The following ATG4A variants were observed in gnomAD, a reference collection of about 807,000 sequenced individuals.
The protein encoded by ATG4A is cysteine protease ATG4A.
In ATG4A, 22 loss-of-function variants were observed where a neutral mutation model predicts 38.4. The observed-to-expected ratio is 0.57, with a 90% CI of 0.41 to 0.82. The LOEUF (loss-of-function observed/expected upper bound fraction) is 0.82, where lower values mean the gene tolerates loss of function less well. Among genes scored for constraint, ATG4A ranks in the 40% least tolerant of loss-of-function variants. The pLI, the probability that ATG4A is intolerant of heterozygous loss-of-function variation, is 0.00. For synonymous variants in ATG4A, 86 were observed against 100.7 expected, an observed-to-expected ratio of 0.85 and a Z score of 0.88; for missense variants, 220 against 290.0, an observed-to-expected ratio of 0.76 and a Z score of 1.75.
chrX:108,099,552 C>T (rs1325880840), intron 1 of ATG4A, among the ~76,000 whole-genome samples: 2 of 111,323 alleles, frequency 1.8e-5, no homozygotes, highest in Non-Finnish European at 3.8e-5. Flanking sequence ...TTTGTTGTTA[C>T]ATCTAAGAAG....
chrX:108,148,521 C>A (rs1229856279), intron 9 of ATG4A, among the ~76,000 whole-genome samples: 3 of 98,637 alleles, frequency 3.0e-5, no homozygotes, highest in Non-Finnish European at 6.2e-5. Flanking sequence ...TGCACATACA[C>A]ACACACACAC....
At chrX:108,124,506 T>C (rs771254135) in intron 1 of ATG4A, among the ~76,000 whole-genome samples, 7 of 109,282 alleles carry the variant, frequency 6.4e-5, no homozygotes, top group Non-Finnish European at 1.1e-4. Flanking sequence ...GGCTGGAGTG[T>C]AGTGGCGCGA....
At chrX:108,146,395 G>A (rs1376557069) in intron 9 of ATG4A, among the ~76,000 whole-genome samples, 1 of 111,702 alleles carries the variant, frequency 9.0e-6, no homozygotes, top group Non-Finnish European at 1.9e-5. Context: ...TATTCTGATT[G>A]CAGTAGTCTG....
intron 1 of ATG4A, among the ~76,000 whole-genome samples, chrX:108,111,815 AT>A (rs762215599): frequency 6.3e-5 from 7 of 111,209 alleles, no homozygotes; most frequent in Non-Finnish European, 1.3e-4. Context: ...TATTTTATTA[AT>A]TCTTTATTTT....
chrX:108,142,831 A>C (rs753732758), intron 9 of ATG4A, among the ~76,000 whole-genome samples: 9 of 111,621 alleles, frequency 8.1e-5, no homozygotes, highest in Non-Finnish European at 1.5e-4. Context: ...TGCTTTGGCA[A>C]CACCCTCACA....
chrX:108,095,182 C>T (rs1463964457), intron 1 of ATG4A, among the ~76,000 whole-genome samples: 1 of 112,023 alleles, frequency 8.9e-6, no homozygotes, highest in Admixed American at 9.4e-5. Flanking sequence ...TCAGGTGATC[C>T]TCCCAAAGTG....
chrX:108,137,213 A>T (rs781712105), intron 7 of ATG4A, 43 bp downstream of exon 7: 1 of 1,057,780 alleles, frequency 9.5e-7, no homozygotes, highest in Non-Finnish European at 1.3e-6. Context: ...ATGGGTGATG[A>T]GTTCCTCCCT....
intron 1 of ATG4A, among the ~76,000 whole-genome samples, chrX:108,102,098 G>A (rs949321598): frequency 3.6e-5 from 4 of 111,297 alleles, no homozygotes; most frequent in African/African-American, 1.3e-4. Flanking sequence ...AAGTGGGATT[G>A]TTAGATCATA....
chrX:108,134,154 A>G lies in ATG4A; in HGVS notation c.390A>G (p.Gln130=). 8.4e-7 allele frequency: 1 copy of G among 1,197,292 alleles called. No individual in the cohort carries two copies. The change falls in exon 5 of 13, where the codon CAA becomes CAG. Residue 130 remains glutamine (Q), a synonymous_variant. Coordinates refer to ENST00000372232, the MANE Select transcript of ATG4A (RefSeq NM_052936.5). The part of the protein sequence containing the change: ...DRKDCCYSIH[Q]MAQMGVGEGK... Reference sequence around the variant, plus strand: ...AAGATTGTTGCTACTCTATCCATCAAATGGGTAAGGTCATAAATCAATAGT... The same window carrying G: ...AAGATTGTTGCTACTCTATCCATCAGATGGGTAAGGTCATAAATCAATAGT...
intron 1 of ATG4A, among the ~76,000 whole-genome samples, chrX:108,100,119 CT>C (rs1355188646): frequency 9.0e-6 from 1 of 111,268 alleles, no homozygotes; most frequent in Non-Finnish European, 1.9e-5. Context: ...TTTAGATCTT[CT>C]TTTATTTATT....
chrX:108,093,329 G>T (rs2031698436), intron 1 of ATG4A, among the ~76,000 whole-genome samples: 2 of 112,143 alleles, frequency 1.8e-5, no homozygotes, highest in African/African-American at 6.5e-5. Context: ...TGCAGTCTTT[G>T]TGTCTGATTT....
At chrX:108,107,278 T>G (rs770928377) in intron 1 of ATG4A, among the ~76,000 whole-genome samples, 1 of 112,158 alleles carries the variant, frequency 8.9e-6, no homozygotes, top group East Asian at 2.8e-4. Flanking sequence ...CACTGATTCT[T>G]TTTTCAGTCT....
At chrX:108,120,239 G>T (rs763118913) in intron 1 of ATG4A, among the ~76,000 whole-genome samples, 1 of 112,220 alleles carries the variant, frequency 8.9e-6, no homozygotes, top group African/African-American at 3.2e-5. Flanking sequence ...TACAAAGGCG[G>T]CATCCTCTGA....
chrX:108,131,202 G>A (rs1408149803), intron 3 of ATG4A, 58 bp from the exon 4 acceptor site: 7 of 1,065,176 alleles, frequency 6.6e-6, no homozygotes, highest in Non-Finnish European at 9.1e-6. Context: ...ATATGCTGAT[G>A]TTTCAGGAAA....
chrX:108,111,673 C>T (rs1056847057), intron 1 of ATG4A, among the ~76,000 whole-genome samples: 1 of 111,887 alleles, frequency 8.9e-6, no homozygotes, highest in Non-Finnish European at 1.9e-5. Flanking sequence ...TCCTATAACA[C>T]TTGCCTCTAC....
In ATG4A at chrX:108,091,782, G is replaced by C. The variant is rs1423844217; in HGVS notation, c.-45G>C. The C allele has an allele frequency of 1.7e-6, 2 of 1,206,592 alleles. No individual in the cohort carries two copies. Among genetic ancestry groups the C allele is most frequent in the South Asian group, 3.5e-5 (2 of 56,856 alleles). ...CAGGGATCCTAGCGACCGTCCGTCC[G>C]TAGTCAAGTTGCCGGTGGAATTGGC... is the stretch of plus-strand genomic sequence containing the variant. On this transcript the variant is annotated 5_prime_UTR_variant, in exon 1 of 13. Coordinates refer to ENST00000372232, the MANE Select transcript of ATG4A (RefSeq NM_052936.5).
intron 4 of ATG4A, among the ~76,000 whole-genome samples, chrX:108,131,559 A>T (rs748701907): frequency 8.9e-6 from 1 of 112,148 alleles, no homozygotes; most frequent in South Asian, 3.8e-4. Flanking sequence ...TTTCCTTGTG[A>T]GTCACCAAGC....
chrX:108,117,431 TGAA>T (rs1224831984), intron 1 of ATG4A, among the ~76,000 whole-genome samples: 1 of 112,010 alleles, frequency 8.9e-6, no homozygotes, highest in Non-Finnish European at 1.9e-5. Context: ...TTGGGAAAAC[TGAA>T]GAAGAATGAT....
chrX:108,134,925 G>T (rs1441121181), intron 6 of ATG4A, among the ~76,000 whole-genome samples: 1 of 111,929 alleles, frequency 8.9e-6, no homozygotes, highest in Non-Finnish European at 1.9e-5. Flanking sequence ...CCACCTGTTG[G>T]GGGCGACAAA....
Sources: gnomAD v4.1 joint callset for allele counts (sites outside exome capture counted in the v4.1 genomes callset) on GRCh38, gnomAD v4.1.1 for gene constraint, MANE v1.5 for transcripts, NCBI Gene and HGNC (gene_info 2026-07-23, HGNC 2026-07-21) for gene names.